The following CTBS variants were observed in gnomAD, a reference collection of about 807,000 sequenced individuals.
CTBS encodes the protein chitobiase.
Under a neutral mutation model 44.3 loss-of-function variants are expected in CTBS, and 35 were observed. The ratio of observed to expected loss-of-function variants is 0.79; its 90% CI spans 0.60 to 1.05. CTBS has a LOEUF of 1.05. Ranked by LOEUF, CTBS falls within the 50% of genes least tolerant of loss-of-function variation. The probability of loss-of-function intolerance (pLI) is 0.00; values close to 1 mark genes in which losing one functional copy is unlikely to be tolerated. For synonymous variants in CTBS, 143 were observed against 168.0 expected (o/e 0.85, Z 1.15); for missense variants, 458 against 475.3 (o/e 0.96, Z 0.34).
intron 1 of CTBS, among the ~76,000 whole-genome samples, chr1:84,571,824 C>T (rs1346077795): frequency 1.3e-5 from 2 of 152,160 alleles, no homozygotes; most frequent in Admixed American, 6.5e-5. Flanking sequence ...TACACACTTT[C>T]GGAGTGGGCT....
Position 84,563,849 on chromosome 1 carries a change from GA to G in CTBS, c.698-18del. 1 of 1,592,986 alleles carries G rather than the reference GA, an allele frequency of 6.3e-7. No homozygotes were observed. Among genetic ancestry groups the G allele is most frequent in the Non-Finnish European group, 8.5e-7 (1 of 1,170,374 alleles). On this transcript the variant is annotated intron_variant, in intron 4 of 6. Transcript: ENST00000370630. Reference sequence around the variant, plus strand: ...CATTATATCCTAGTCAAGCAGGAGAGAAAAAGCATATTTGTTTCTCTTCATA... The same window carrying G: ...CATTATATCCTAGTCAAGCAGGAGAGAAAAGCATATTTGTTTCTCTTCATA...
intron 6 of CTBS, among the ~76,000 whole-genome samples, chr1:84,557,857 CAAA>C (rs375521066): frequency 0.016 from 1,937 of 117,822 alleles, 20 homozygotes; most frequent in Non-Finnish European, 0.021. Context: ...GACTCCATCT[CAAA>C]AAAAAAAAAA....
chr1:84,560,908 T>C (rs147586092), intron 6 of CTBS, among the ~76,000 whole-genome samples: 2,354 of 152,346 alleles, frequency 0.015, 75 homozygotes, highest in African/African-American at 0.054. Flanking sequence ...AAAATATTAC[T>C]GCTCATTGAC....
rs1003619156 is a variant in CTBS at position 84,554,531 on chromosome 1, T to C, written c.*468A>G. On this transcript the variant is annotated 3_prime_UTR_variant, in exon 7 of 7. Coordinates refer to ENST00000370630, the MANE Select transcript of CTBS (RefSeq NM_004388.3). ...TTTGATGAACCTAAAGGGGAGACAC[T>C]ACATTGTAGGTTTTAAATTTAAGAT... The C allele has an allele frequency of 6.4e-6, 1 of 157,044 alleles. No individual in the cohort carries two copies. Among genetic ancestry groups the C allele is most frequent in the African/African-American group, 2.4e-5 (1 of 41,450 alleles). The allele number at this position is 157,044 out of a possible 1,614,324, so 9.7% of individuals were successfully genotyped here. A position where few individuals can be genotyped will look rare whatever the true frequency, so the allele number is the denominator to read the frequency against.
rs533330076 is a variant in CTBS at position 84,554,650 on chromosome 1, T to A, written c.*349A>T. On this transcript the variant is annotated 3_prime_UTR_variant, in exon 7 of 7. Coordinates refer to ENST00000370630, the MANE Select transcript of CTBS (RefSeq NM_004388.3). ...AGCAAACAATTTCCACTTCAGATTA[T>A]ACATATTTTAAAAATCAGCATTGAT... 4 of 180,486 alleles carry A rather than the reference T, an allele frequency of 2.2e-5. No individual in the cohort carries two copies. The highest frequency in any genetic ancestry group is 4.7e-5 in the Non-Finnish European group (4 of 84,864). 11.2% of individuals were successfully genotyped at this position (180,486 alleles called of 1,614,324 possible).
intron 6 of CTBS, among the ~76,000 whole-genome samples, chr1:84,560,097 A>AAAGAAAGAAAGAAAG: frequency 1.7e-5 from 2 of 114,720 alleles, no homozygotes; most frequent in East Asian, 5.0e-4. Context: ...AAAAAAAAAA[A>AAAGAAAGAAAGAAAG]AAAGAAAGAA....
chr1:84,557,558 A>C (rs1684477585), intron 6 of CTBS, among the ~76,000 whole-genome samples: 1 of 149,142 alleles, frequency 6.7e-6, no homozygotes, highest in Admixed American at 6.7e-5. Context: ...AAAAAAGAAA[A>C]AAAAAAAAAG....
intron 6 of CTBS, among the ~76,000 whole-genome samples, chr1:84,557,546 A>G (rs1239925883): frequency 2.9e-5 from 4 of 137,006 alleles, no homozygotes; most frequent in East Asian, 2.1e-4. Context: ...AAAAAAAAAA[A>G]AAAAAAAGAA....
chr1:84,569,227 G>T (rs919251572), intron 3 of CTBS, among the ~76,000 whole-genome samples: 2 of 152,126 alleles, frequency 1.3e-5, no homozygotes, highest in Non-Finnish European at 2.9e-5. Context: ...TAAAATTGGG[G>T]GCTCTGGGAT....
At chr1:84,562,210 A>G (rs779621415) in intron 6 of CTBS, among the ~76,000 whole-genome samples, 5 of 152,170 alleles carry the variant, frequency 3.3e-5, no homozygotes, top group Non-Finnish European at 5.9e-5. Context: ...TTTTCTAAAT[A>G]TATTTGGCCA....
rs777055723 is a variant in CTBS, at chr1:84,551,446, T to C, written c.*3553A>G. 91 of 310,710 alleles carry C rather than the reference T, an allele frequency of 2.9e-4. No homozygotes were observed. The highest frequency in any genetic ancestry group is 4.1e-4 in the Non-Finnish European group (88 of 213,588). 19.2% of individuals were successfully genotyped at this position (310,710 alleles called of 1,614,324 possible). ...AACTTATGTGATGATAGAAATGTTC[T>C]ATGCCTGCACTGTCAGATTGGTACC... On this transcript the variant is annotated 3_prime_UTR_variant, in exon 7 of 7. Transcript: ENST00000370630.
chr1:84,567,361 T>C (rs1684720817), intron 3 of CTBS, among the ~76,000 whole-genome samples: 1 of 152,232 alleles, frequency 6.6e-6, no homozygotes, highest in South Asian at 2.1e-4. Flanking sequence ...TGACTACCTC[T>C]AAGCAAGTAA....
chr1:84,569,865 T>C, intron 3 of CTBS, 66 bp downstream of exon 3: 1 of 1,289,012 alleles, frequency 7.8e-7, no homozygotes, highest in Non-Finnish European at 1.1e-6. Context: ...TTATATTAGT[T>C]ATACCCTCAT....
chr1:84,561,094 C>T (rs568392498), intron 6 of CTBS, among the ~76,000 whole-genome samples: 2 of 152,286 alleles, frequency 1.3e-5, no homozygotes, highest in South Asian at 4.1e-4. Flanking sequence ...ACAGTAACTC[C>T]TTTCATGGAT....
In CTBS at chr1:84,550,192, G is replaced by A. The variant is rs1383283396; in HGVS notation, c.*4807C>T. ...AGATATTATTCCTTTCATAGTAATAGTTGTTGGTTTTTACGATGCTAATTT... is the reference window on the plus strand; with the variant it reads ...AGATATTATTCCTTTCATAGTAATAATTGTTGGTTTTTACGATGCTAATTT... On this transcript the variant is annotated 3_prime_UTR_variant, in exon 7 of 7. Transcript: ENST00000370630. 2 of 278,598 alleles carry A rather than the reference G, an allele frequency of 7.2e-6. No homozygotes were observed. The highest frequency in any genetic ancestry group is 1.2e-4 in the East Asian group (2 of 17,076). The allele number at this position is 278,598 out of a possible 1,614,324, so 17.3% of individuals were successfully genotyped here. A position where few individuals can be genotyped will look rare whatever the true frequency, so the allele number is the denominator to read the frequency against.
chr1:84,557,533 C>CAAAAAA (rs56101174), intron 6 of CTBS, among the ~76,000 whole-genome samples: 10 of 55,422 alleles, frequency 1.8e-4, no homozygotes, highest in East Asian at 6.9e-4. Flanking sequence ...AACTCCATCT[C>CAAAAAA]AAAAAAAAAA....
At chr1:84,560,128 A>AG in intron 6 of CTBS, among the ~76,000 whole-genome samples, 1 of 149,062 alleles carries the variant, frequency 6.7e-6, no homozygotes, top group Non-Finnish European at 1.5e-5. Flanking sequence ...AAAGAAAGAA[A>AG]GAAAGGAAAG....
chr1:84,569,835 G>T, intron 3 of CTBS, 96 bp downstream of exon 3: 1 of 1,087,810 alleles, frequency 9.2e-7, no homozygotes, highest in Non-Finnish European at 1.3e-6. Context: ...CTTTCCCATT[G>T]CATTACTATA....
Position 84,570,690 on chromosome 1 carries a change from A to C in CTBS, c.208T>G (p.Trp70Gly). ...ATCTGTGACCAATCATAAGATTTCC[A>C]AGTTTTCTGTCCAACATCAAACACA... ...VFVFDVGQKT[W>G]KSYDWSQITT... The change falls in exon 2 of 7, where the codon TGG (tryptophan) becomes GGG (glycine). Residue 70 changes from tryptophan to glycine, a missense_variant. By Grantham distance (184) the Trp-to-Gly change is radical. Coordinates refer to ENST00000370630, the MANE Select transcript of CTBS (RefSeq NM_004388.3). 1 of 1,613,828 alleles carries C rather than the reference A, an allele frequency of 6.2e-7. No individual in the cohort carries two copies. Among genetic ancestry groups the C allele is most frequent in the Non-Finnish European group, 8.5e-7 (1 of 1,179,872 alleles).
Sources: allele counts gnomAD v4.1 joint callset (sites outside exome capture counted in the v4.1 genomes callset), GRCh38; gene constraint gnomAD v4.1.1; transcripts MANE v1.5; gene names NCBI Gene and HGNC (gene_info 2026-07-23, HGNC 2026-07-21).